Variants in FYN observed in about 807,000 individuals in gnomAD.
FYN encodes tyrosine-protein kinase Fyn.
Under a neutral mutation model 70.2 loss-of-function variants are expected in FYN, and 10 were observed. The ratio of observed to expected loss-of-function variants is 0.14; its 90% CI spans 0.09 to 0.24. The LOEUF (loss-of-function observed/expected upper bound fraction) is 0.24. FYN is among the 10% of genes least tolerant of loss of function. The pLI, the probability that FYN is intolerant of heterozygous loss-of-function variation, is 1.00. For synonymous variants in FYN, 236 were observed against 248.6 expected (o/e 0.95, Z 0.48); for missense variants, 319 against 673.1 (o/e 0.47, Z 5.82).
At chr6:111,852,490 G>C (rs997513169) in intron 1 of FYN, among the ~76,000 whole-genome samples, 4 of 152,136 alleles carry the variant, frequency 2.6e-5, no homozygotes, top group African/African-American at 9.7e-5. Context: ...AGAGAAGTGG[G>C]GTGTTGGCCA....
intron 3 of FYN, among the ~76,000 whole-genome samples, chr6:111,748,757 T>C (rs1359774978): frequency 1.3e-5 from 2 of 152,200 alleles, no homozygotes; most frequent in Admixed American, 1.3e-4. Context: ...CATGTTGAAA[T>C]GATAATATTT....
intron 3 of FYN, among the ~76,000 whole-genome samples, chr6:111,765,876 C>T (rs1803212088): frequency 6.6e-6 from 1 of 151,950 alleles, no homozygotes; most frequent in Non-Finnish European, 1.5e-5. Context: ...CAAAGCCCTC[C>T]AAGGGCACAG....
At chr6:111,773,490 AGAGGGAGAGCGGGG>A (rs1179616496) in intron 3 of FYN, among the ~76,000 whole-genome samples, 5 of 78,678 alleles carry the variant, frequency 6.4e-5, no homozygotes, top group Admixed American at 1.4e-4. Context: ...AGGGAGAGGG[AGAGGGAGAGCGGGG>A]GAGGGAGAGC....
chr6:111,789,345 G>A (rs974741944), intron 2 of FYN, among the ~76,000 whole-genome samples: 2 of 152,188 alleles, frequency 1.3e-5, no homozygotes, highest in Non-Finnish European at 1.5e-5. Flanking sequence ...TGGGTGGGCA[G>A]AGTCATGCAA....
intron 2 of FYN, among the ~76,000 whole-genome samples, chr6:111,807,700 C>T (rs1255438098): frequency 6.6e-6 from 1 of 152,130 alleles, no homozygotes; most frequent in Non-Finnish European, 1.5e-5. Flanking sequence ...TAAGTGTCTC[C>T]AAATGAATAG....
intron 2 of FYN, chr6:111,798,435 T>C (rs1047866802): frequency 1.3e-5 from 2 of 152,250 alleles, no homozygotes; most frequent in African/African-American, 4.8e-5. Context: ...GTGAATTCTT[T>C]GACTTTGACA....
intron 3 of FYN, among the ~76,000 whole-genome samples, chr6:111,764,089 T>C (rs1378089469): frequency 6.6e-6 from 1 of 151,590 alleles, no homozygotes; most frequent in Admixed American, 6.6e-5. Flanking sequence ...TGATCACTGT[T>C]GGAGCTGGGT....
chr6:111,675,834 TAAATA>T (rs1014036984), intron 12 of FYN, among the ~76,000 whole-genome samples: 14 of 150,598 alleles, frequency 9.3e-5, no homozygotes, highest in African/African-American at 2.4e-4. Context: ...AATAAATAAA[TAAATA>T]AAATAAAATA....
intron 12 of FYN, among the ~76,000 whole-genome samples, chr6:111,683,994 CAG>C (rs1798885212): frequency 2.0e-5 from 3 of 152,172 alleles, no homozygotes; most frequent in Admixed American, 2.0e-4. Flanking sequence ...GGGTGTTTTC[CAG>C]TTATCCCCGG....
At chr6:111,768,031 T>C (rs560946484) in intron 3 of FYN, among the ~76,000 whole-genome samples, 22 of 152,336 alleles carry the variant, frequency 1.4e-4, no homozygotes, top group Admixed American at 1.4e-3. Context: ...CTGTGGCTTT[T>C]CTATAAAATT....
chr6:111,709,399 C>T (rs527251642), intron 5 of FYN, among the ~76,000 whole-genome samples: 156 of 152,276 alleles, frequency 1.0e-3, no homozygotes, highest in African/African-American at 3.3e-3. Flanking sequence ...CAGTGAGCAA[C>T]GCCTCCAGAT....
intron 2 of FYN, among the ~76,000 whole-genome samples, chr6:111,817,106 A>G (rs1315531318): frequency 1.3e-5 from 2 of 152,200 alleles, no homozygotes; most frequent in Non-Finnish European, 2.9e-5. Flanking sequence ...TAGATTATAG[A>G]TTATAGATTA....
At chr6:111,770,385 G>A (rs1280396389) in intron 3 of FYN, among the ~76,000 whole-genome samples, 1 of 152,172 alleles carries the variant, frequency 6.6e-6, no homozygotes, top group Non-Finnish European at 1.5e-5. Flanking sequence ...ATTGGACAGT[G>A]CTGATTCAGA....
chr6:111,862,641 G>C (rs1391638936), intron 1 of FYN, among the ~76,000 whole-genome samples: 1 of 152,180 alleles, frequency 6.6e-6, no homozygotes, highest in Non-Finnish European at 1.5e-5. Context: ...GTATGTCTAG[G>C]AGAACTGGAT....
chr6:111,787,019 T>C (rs550601260), intron 2 of FYN, among the ~76,000 whole-genome samples: 23 of 152,274 alleles, frequency 1.5e-4, no homozygotes, highest in Non-Finnish European at 2.9e-4. Context: ...GTAGGTTGCC[T>C]GTTCGCTCTG....
intron 1 of FYN, among the ~76,000 whole-genome samples, chr6:111,866,315 G>C (rs1774103630): frequency 6.6e-6 from 1 of 152,166 alleles, no homozygotes; most frequent in African/African-American, 2.4e-5. Context: ...GTCAAACCCG[G>C]ACCCTACCCC....
chr6:111,687,912 T>C (rs1196176061), intron 12 of FYN, among the ~76,000 whole-genome samples: 2 of 152,198 alleles, frequency 1.3e-5, no homozygotes, highest in African/African-American at 4.8e-5. Context: ...CTAGGATTTA[T>C]ACCAAGACAC....
At chr6:111,769,231 T>A (rs1338851279) in intron 3 of FYN, among the ~76,000 whole-genome samples, 1 of 152,170 alleles carries the variant, frequency 6.6e-6, no homozygotes, top group Non-Finnish European at 1.5e-5. Flanking sequence ...AAAAACATGA[T>A]CTCCTCTAGC....
At chr6:111,787,379 T>C (rs1051394015) in intron 2 of FYN, among the ~76,000 whole-genome samples, 7 of 152,208 alleles carry the variant, frequency 4.6e-5, no homozygotes, top group African/African-American at 1.7e-4. Flanking sequence ...TGGTTGTAGA[T>C]GTGTCGTATT....
Sources: gnomAD v4.1 joint callset for allele counts (sites outside exome capture counted in the v4.1 genomes callset) on GRCh38, gnomAD v4.1.1 for gene constraint, MANE v1.5 for transcripts, NCBI Gene and HGNC (gene_info 2026-07-23, HGNC 2026-07-21) for gene names.